Variants in HERC3 observed in about 807,000 individuals in gnomAD.
HERC3 encodes HECT and RLD domain containing E3 ubiquitin protein ligase 3.
Under a neutral mutation model 129.9 loss-of-function variants are expected in HERC3, and 58 were observed. The observed-to-expected ratio is 0.45, with a 90% CI of 0.36 to 0.56. HERC3 has a LOEUF of 0.56. HERC3 is among the 20% of genes least tolerant of loss of function. The pLI, the probability that HERC3 is intolerant of heterozygous loss-of-function variation, is 0.00. For missense variants in HERC3, 835 were observed against 1,244.2 expected, an observed-to-expected ratio of 0.67 and a Z score of 4.95; for synonymous variants, 430 against 451.0, an observed-to-expected ratio of 0.95 and a Z score of 0.59.
intron 3 of HERC3, among the ~76,000 whole-genome samples, chr4:88,617,485 C>G (rs1452557335): frequency 6.6e-6 from 1 of 152,144 alleles, no homozygotes; most frequent in Non-Finnish European, 1.5e-5. Flanking sequence ...ACTATATGAA[C>G]TGTGCTGATC....
chr4:88,640,279 G>T (rs1428011349), intron 3 of HERC3, among the ~76,000 whole-genome samples: 1 of 152,288 alleles, frequency 6.6e-6, no homozygotes, highest in South Asian at 2.1e-4. Context: ...GCACACATAT[G>T]TTTATTGCAG....
At chr4:88,682,163 G>C (rs1296355610) in intron 21 of HERC3, among the ~76,000 whole-genome samples, 1 of 152,136 alleles carries the variant, frequency 6.6e-6, no homozygotes, top group African/African-American at 2.4e-5. Flanking sequence ...ATGAACATTT[G>C]TGCACAAGTT....
intron 3 of HERC3, among the ~76,000 whole-genome samples, chr4:88,647,057 A>G (rs925061668): frequency 1.3e-5 from 2 of 152,150 alleles, no homozygotes; most frequent in African/African-American, 4.8e-5. Context: ...GCAAAAATGT[A>G]AGGAATGCTA....
intron 23 of HERC3, chr4:88,690,388 A>C (rs186369173): frequency 2.0e-6 from 2 of 985,376 alleles, no homozygotes; most frequent in East Asian, 2.3e-4. Flanking sequence ...AACATTGTAG[A>C]TGCGTGTGAG....
chr4:88,543,052 A>T, the HERC3 span, among the ~76,000 whole-genome samples: 1 of 152,018 alleles, frequency 6.6e-6, no homozygotes, highest in African/African-American at 2.4e-5. Context: ...CTCTCTCACC[A>T]CTCCTATTCA....
the HERC3 span, among the ~76,000 whole-genome samples, chr4:88,583,127 G>A: frequency 1.3e-5 from 2 of 152,068 alleles, no homozygotes; most frequent in Non-Finnish European, 2.9e-5. Context: ...CTTGCTTTAT[G>A]GTATAAATAA....
At chr4:88,651,153 G>T (rs1321366344) in intron 4 of HERC3, among the ~76,000 whole-genome samples, 1 of 152,100 alleles carries the variant, frequency 6.6e-6, no homozygotes. Flanking sequence ...TAACATTAAT[G>T]GCAAAAATAT....
intron 15 of HERC3, 22 bp downstream of exon 15, chr4:88,670,045 G>A: frequency 1.9e-6 from 3 of 1,610,656 alleles, no homozygotes; most frequent in Non-Finnish European, 2.5e-6. Flanking sequence ...AGGTGCTAGT[G>A]GGGAGGGGGT....
intron 23 of HERC3, chr4:88,697,959 A>C (rs1734841274): frequency 1.5e-6 from 1 of 661,366 alleles, no homozygotes; most frequent in Non-Finnish European, 2.6e-6. Flanking sequence ...ACTGCACCAG[A>C]TTCCTCCTGT....
chr4:88,631,658 G>T (rs1234817548), intron 3 of HERC3, among the ~76,000 whole-genome samples: 2 of 152,144 alleles, frequency 1.3e-5, no homozygotes, highest in African/African-American at 4.8e-5. Context: ...CAGGAATCTA[G>T]CCCTTTACTA....
intron 23 of HERC3, among the ~76,000 whole-genome samples, chr4:88,694,199 A>C (rs569755843): frequency 1.3e-5 from 2 of 152,230 alleles, no homozygotes; most frequent in Non-Finnish European, 2.9e-5. Flanking sequence ...CTAGTGCTGC[A>C]GGTTCAGGAA....
At chr4:88,555,359 C>T in the HERC3 span, among the ~76,000 whole-genome samples, 1 of 151,428 alleles carries the variant, frequency 6.6e-6, no homozygotes, top group African/African-American at 2.4e-5. Context: ...AGTGTGGAAT[C>T]AAAAATTTAA....
the HERC3 span, among the ~76,000 whole-genome samples, chr4:88,558,934 C>T: frequency 6.7e-6 from 1 of 150,128 alleles, no homozygotes; most frequent in Non-Finnish European, 1.5e-5. Flanking sequence ...TGCCACTGCG[C>T]TCCAGCCTGG....
chr4:88,551,895 C>T, the HERC3 span, among the ~76,000 whole-genome samples: 1 of 152,082 alleles, frequency 6.6e-6, no homozygotes, highest in Non-Finnish European at 1.5e-5. Flanking sequence ...AAATGTCCAA[C>T]AATGATAGAT....
intron 23 of HERC3, among the ~76,000 whole-genome samples, chr4:88,687,944 A>T (rs755012849): frequency 6.6e-6 from 1 of 152,230 alleles, no homozygotes; most frequent in Non-Finnish European, 1.5e-5. Context: ...GCTAATCTGC[A>T]TGAAATCAAT....
the HERC3 span, among the ~76,000 whole-genome samples, chr4:88,535,835 A>G: frequency 6.6e-6 from 1 of 152,256 alleles, no homozygotes; most frequent in South Asian, 2.1e-4. Flanking sequence ...TTTGGAGGAC[A>G]TATTCAAACC....
chr4:88,533,741 A>G, the HERC3 span, among the ~76,000 whole-genome samples: 9 of 152,220 alleles, frequency 5.9e-5, no homozygotes, highest in African/African-American at 1.7e-4. Context: ...TCAATGATTT[A>G]AAGTTGTGGC....
intron 1 of HERC3, among the ~76,000 whole-genome samples, chr4:88,594,491 C>T (rs983672372): frequency 3.3e-5 from 5 of 152,076 alleles, no homozygotes; most frequent in African/African-American, 9.7e-5. Flanking sequence ...GCAACCTCCG[C>T]CTCCCAGGCT....
the HERC3 span, among the ~76,000 whole-genome samples, chr4:88,526,672 A>C: frequency 1.3e-5 from 2 of 152,046 alleles, no homozygotes; most frequent in African/African-American, 2.4e-5. Flanking sequence ...GGTAGCTGGG[A>C]ATACAGGTGC....
Sources: gnomAD v4.1 joint callset for allele counts (sites outside exome capture counted in the v4.1 genomes callset) on GRCh38, gnomAD v4.1.1 for gene constraint, MANE v1.5 for transcripts, NCBI Gene and HGNC (gene_info 2026-07-23, HGNC 2026-07-21) for gene names.